CPA6: variants seen among roughly 807,000 people sequenced by gnomAD.
CPA6 encodes carboxypeptidase B.
A neutral mutation model predicts 63.3 loss-of-function variants in CPA6; 58 were observed. That is an observed-to-expected ratio of 0.92 (90% CI 0.74 to 1.14). CPA6 has a LOEUF of 1.14. CPA6 is among the 50% of genes most tolerant of loss of function. The pLI is 0.00. For synonymous variants in CPA6, 185 were observed against 179.0 expected, an observed-to-expected ratio of 1.03 and a Z score of -0.27; for missense variants, 565 against 526.6, an observed-to-expected ratio of 1.07 and a Z score of -0.71.
At chr8:67,642,127 G>T (rs536247709) in intron 1 of CPA6, among the ~76,000 whole-genome samples, 1 of 152,262 alleles carries the variant, frequency 6.6e-6, no homozygotes, top group South Asian at 2.1e-4. Flanking sequence ...CTTGAGACCA[G>T]TCCAACATGG....
chr8:67,621,420 C>A (rs1239821755), intron 2 of CPA6, among the ~76,000 whole-genome samples: 1 of 152,112 alleles, frequency 6.6e-6, no homozygotes. Context: ...GGCTCCACTG[C>A]CCTGCAAACT....
intron 10 of CPA6, among the ~76,000 whole-genome samples, chr8:67,426,997 G>A (rs1809902081): frequency 1.3e-5 from 2 of 152,176 alleles, no homozygotes; most frequent in Middle Eastern, 3.2e-3. Context: ...CCACTTGGAA[G>A]GACATGCCAT....
chr8:67,584,112 C>T (rs1871829), intron 2 of CPA6, among the ~76,000 whole-genome samples: 24,649 of 152,002 alleles, frequency 0.16, 2,386 homozygotes, highest in Admixed American at 0.28. Context: ...GAGCTGAGAT[C>T]GCACCACAGC....
At chr8:67,667,428 G>T (rs1253048826) in intron 1 of CPA6, among the ~76,000 whole-genome samples, 1 of 152,010 alleles carries the variant, frequency 6.6e-6, no homozygotes, top group Non-Finnish European at 1.5e-5. Flanking sequence ...GGGCCTGGAT[G>T]TCCTAACTCT....
At chr8:67,529,972 GT>G (rs1410459181) in intron 2 of CPA6, among the ~76,000 whole-genome samples, 1 of 152,160 alleles carries the variant, frequency 6.6e-6, no homozygotes, top group Non-Finnish European at 1.5e-5. Context: ...ACAGAAAAGA[GT>G]TTTGTGGAAA....
At position 67,654,589 on chromosome 8, in the gene CPA6, A is replaced by T. The variant is rs1216812964; in HGVS notation, c.117-30338T>A. Among the ~76,000 whole-genome samples the T allele has an allele frequency of 2.0e-5, 3 of 152,034 alleles. No homozygotes were observed. The East Asian group carries it at 5.8e-4, about 29-fold the overall frequency. On this transcript the variant is annotated intron_variant, in intron 1 of 10. Coordinates refer to ENST00000297770, the MANE Select transcript of CPA6 (RefSeq NM_020361.5). Reference sequence around the variant, plus strand: ...GTATTTCTGTGGGATCGGTGGTGATATCCCCTTTATCATTTTTTATTGTGT... The same window carrying T: ...GTATTTCTGTGGGATCGGTGGTGATTTCCCCTTTATCATTTTTTATTGTGT...
chr8:67,485,609 G>T (rs889444913), intron 6 of CPA6, among the ~76,000 whole-genome samples: 1 of 152,164 alleles, frequency 6.6e-6, no homozygotes, highest in Non-Finnish European at 1.5e-5. Flanking sequence ...AAGTTATTTT[G>T]TTGATGGACA....
At chr8:67,487,802 T>C (rs571214872) in intron 6 of CPA6, among the ~76,000 whole-genome samples, 2 of 152,388 alleles carry the variant, frequency 1.3e-5, no homozygotes, top group Non-Finnish European at 2.9e-5. Flanking sequence ...GTTTCTCTGA[T>C]GACCAGTGAT....
At chr8:67,691,195 T>A (rs549456790) in intron 1 of CPA6, among the ~76,000 whole-genome samples, 33 of 152,336 alleles carry the variant, frequency 2.2e-4, no homozygotes, top group Non-Finnish European at 3.4e-4. Flanking sequence ...TAACTCATAT[T>A]GACTTCATAC....
intron 8 of CPA6, among the ~76,000 whole-genome samples, chr8:67,470,218 C>T (rs34709633): frequency 0.38 from 57,692 of 151,432 alleles, 11,268 homozygotes; most frequent in African/African-American, 0.48. Flanking sequence ...TTAGTAGAGA[C>T]GGGGTTTCCC....
chr8:67,546,303 G>GT (rs1812817845), intron 2 of CPA6, among the ~76,000 whole-genome samples: 1 of 152,184 alleles, frequency 6.6e-6, no homozygotes, highest in Non-Finnish European at 1.5e-5. Context: ...TGCTCAGTGA[G>GT]TTTTATGAAA....
At chr8:67,704,448 G>C (rs1817090881) in intron 1 of CPA6, among the ~76,000 whole-genome samples, 1 of 152,216 alleles carries the variant, frequency 6.6e-6, no homozygotes. Flanking sequence ...CTGAATGAGA[G>C]TCACTGTAAG....
rs556708412 is a variant in CPA6 at position 67,705,175 on chromosome 8, C to G, written c.116+40839G>C. On this transcript the variant is annotated intron_variant, in intron 1 of 10. Transcript: ENST00000297770. ...TCAATGGGATAAGTGGGAAAAAGTT[C>G]CGCACAGCTTGCCACCTCTGCCACA... is the stretch of plus-strand genomic sequence containing the variant. Among the ~76,000 whole-genome samples, 14 of 152,276 alleles carry G rather than the reference C, an allele frequency of 9.2e-5. No individual in the cohort carries two copies. In the South Asian group the frequency reaches 2.9e-3, roughly 32 times the overall value.
At chr8:67,568,575 G>T (rs1813401411) in intron 2 of CPA6, among the ~76,000 whole-genome samples, 1 of 152,170 alleles carries the variant, frequency 6.6e-6, no homozygotes, top group African/African-American at 2.4e-5. Context: ...TGAAGAATCA[G>T]TGAACTCAGA....
At chr8:67,549,610 C>T (rs538314078) in intron 2 of CPA6, among the ~76,000 whole-genome samples, 1 of 152,296 alleles carries the variant, frequency 6.6e-6, no homozygotes, top group South Asian at 2.1e-4. Context: ...AGTTGAAGAT[C>T]TGTACCTTTT....
At chr8:67,613,716 C>T (rs1655715170) in intron 2 of CPA6, among the ~76,000 whole-genome samples, 1 of 152,172 alleles carries the variant, frequency 6.6e-6, no homozygotes, top group South Asian at 2.1e-4. Context: ...GCAAAGGCCC[C>T]ACCCTCAAGC....
intron 1 of CPA6, among the ~76,000 whole-genome samples, chr8:67,660,763 G>A (rs933943548): frequency 2.6e-5 from 4 of 152,072 alleles, no homozygotes; most frequent in Non-Finnish European, 5.9e-5. Context: ...TTGATGTGGT[G>A]ATTGATTCCA....
intron 1 of CPA6, among the ~76,000 whole-genome samples, chr8:67,716,916 A>G (rs556291905): frequency 3.0e-4 from 46 of 152,356 alleles, no homozygotes; most frequent in Admixed American, 2.9e-3. Context: ...GAATAATGAT[A>G]TATAGTTAGC....
At chr8:67,607,579 C>A (rs1399639455) in intron 2 of CPA6, among the ~76,000 whole-genome samples, 1 of 151,992 alleles carries the variant, frequency 6.6e-6, no homozygotes, top group East Asian at 1.9e-4. Flanking sequence ...TTGACTTCAG[C>A]TATTTATTGT....
Sources: allele counts gnomAD v4.1 joint callset (sites outside exome capture counted in the v4.1 genomes callset), GRCh38; gene constraint gnomAD v4.1.1; transcripts MANE v1.5; gene names NCBI Gene and HGNC (gene_info 2026-07-23, HGNC 2026-07-21).